The following SLC36A3 variants were observed in gnomAD, a reference collection of about 807,000 sequenced individuals.
The protein encoded by SLC36A3 is proton-coupled amino acid transporter 3.
A neutral mutation model predicts 44.3 loss-of-function variants in SLC36A3; 35 were observed. The observed-to-expected ratio is 0.79, with a 90% CI of 0.60 to 1.05. SLC36A3 has a LOEUF of 1.05. SLC36A3 is among the 50% of genes least tolerant of loss of function. The probability of loss-of-function intolerance (pLI) is 0.00; values close to 1 mark genes in which losing one functional copy is unlikely to be tolerated. For missense variants in SLC36A3, 540 were observed against 578.7 expected, an observed-to-expected ratio of 0.93 and a Z score of 0.69; for synonymous variants, 211 against 227.6, an observed-to-expected ratio of 0.93 and a Z score of 0.66.
At chr5:151,279,391 A>G (rs1561626387) in intron 9 of SLC36A3, among the ~76,000 whole-genome samples, 1 of 152,224 alleles carries the variant, frequency 6.6e-6, no homozygotes, top group Admixed American at 6.5e-5. Flanking sequence ...TTCATTATTC[A>G]TCATTGTATC....
intron 4 of SLC36A3, among the ~76,000 whole-genome samples, chr5:151,289,226 A>G (rs1012593877): frequency 1.3e-4 from 20 of 152,116 alleles, no homozygotes; most frequent in African/African-American, 4.8e-4. Flanking sequence ...ACACTCATTC[A>G]TTGGTATCCA....
intron 4 of SLC36A3, among the ~76,000 whole-genome samples, chr5:151,290,906 G>A (rs951675583): frequency 1.6e-4 from 24 of 151,514 alleles, no homozygotes; most frequent in Admixed American, 3.9e-4. Flanking sequence ...TAATAATTCA[G>A]TATGTAGCTG....
chr5:151,278,941 G>T (rs1355788217), intron 9 of SLC36A3, among the ~76,000 whole-genome samples: 1 of 152,256 alleles, frequency 6.6e-6, no homozygotes. Context: ...GGTCATGCCA[G>T]TCCTCTGCTC....
At chr5:151,285,533 A>G (rs1754505176) in intron 6 of SLC36A3, among the ~76,000 whole-genome samples, 2 of 152,132 alleles carry the variant, frequency 1.3e-5, no homozygotes, top group Admixed American at 1.3e-4. Flanking sequence ...ATCTAGGGGG[A>G]ATGATTATGT....
intron 6 of SLC36A3, among the ~76,000 whole-genome samples, chr5:151,287,009 T>C (rs1019530269): frequency 2.6e-5 from 4 of 151,676 alleles, no homozygotes; most frequent in Non-Finnish European, 5.9e-5. Flanking sequence ...GAATGACCCA[T>C]TATTATCCAA....
Position 151,280,155 on chromosome 5 carries a change from CAGCCAAAAA to C in SLC36A3, c.1144+850_1144+858del, listed in dbSNP as rs569544014. 3.3e-5 allele frequency among the ~76,000 whole-genome samples: 5 copies of C among 152,196 alleles called. No individual in the cohort carries two copies. The East Asian group carries it at 9.6e-4, about 29-fold the overall frequency. Reference sequence around the variant, plus strand: ...GGAAGGGAGGGAAGAGAGAAGAGTACAGCCAAAAAATGATCTCTGGCTGGGTGCATGGTT... The same window carrying C: ...GGAAGGGAGGGAAGAGAGAAGAGTACATGATCTCTGGCTGGGTGCATGGTT... On this transcript the variant is annotated intron_variant, in intron 9 of 9. Transcript: ENST00000335230.
intron 8 of SLC36A3, among the ~76,000 whole-genome samples, chr5:151,281,589 G>C (rs1253385242): frequency 1.3e-5 from 2 of 152,114 alleles, no homozygotes; most frequent in African/African-American, 2.4e-5. Flanking sequence ...AGGCCGAGGC[G>C]AGTGGATCAC....
Position 151,277,518 on chromosome 5 carries a change from C to T in SLC36A3, c.1288G>A (p.Ala430Thr). The T allele has an allele frequency of 6.2e-7, 1 of 1,614,142 alleles. No homozygotes were observed. The highest frequency in any genetic ancestry group is 8.5e-7 in the Non-Finnish European group (1 of 1,180,028). ...YSEDMSCVTIAKDIMISIVGL... is the reference protein window; with the variant it reads ...YSEDMSCVTITKDIMISIVGL... ...ACGATGCTAATCATGATGTCCTTGG[C>T]AATGGTGACACAGCTCATGTCCTCA... Residue 430 changes from alanine (A) to threonine (T), a missense_variant, in exon 10 of 10, where the codon GCC becomes ACC. Ala to Thr is a moderately conservative substitution (Grantham distance 58, BLOSUM62 0). Coordinates refer to ENST00000335230, the MANE Select transcript of SLC36A3 (RefSeq NM_181774.4).
intron 5 of SLC36A3, 106 bp from the exon 6 acceptor site, chr5:151,287,570 C>T: frequency 1.9e-6 from 2 of 1,038,626 alleles, no homozygotes; most frequent in Non-Finnish European, 2.8e-6. Context: ...TATAAATATG[C>T]CCCAAATATT....
In SLC36A3 at chr5:151,295,320, G is replaced by C. The variant is rs563838774; in HGVS notation, c.308+860C>G. Among the ~76,000 whole-genome samples the C allele has an allele frequency of 6.6e-5, 10 of 152,336 alleles. No individual in the cohort carries two copies. In the South Asian group the frequency reaches 1.9e-3, roughly 28 times the overall value. On this transcript the variant is annotated intron_variant, in intron 3 of 9. Coordinates refer to ENST00000335230, the MANE Select transcript of SLC36A3 (RefSeq NM_181774.4). ...GCCTATCATAGACTTACTGTGAGGAGTAAACAAGGCTTGCAAGGCTCTTGG... is the reference window on the plus strand; with the variant it reads ...GCCTATCATAGACTTACTGTGAGGACTAAACAAGGCTTGCAAGGCTCTTGG...
At chr5:151,290,743 A>G (rs1439477908) in intron 4 of SLC36A3, among the ~76,000 whole-genome samples, 3 of 152,150 alleles carry the variant, frequency 2.0e-5, no homozygotes, top group Non-Finnish European at 4.4e-5. Flanking sequence ...AAAATACAAA[A>G]AATTAGCCGG....
chr5:151,277,618 G>A lies in SLC36A3; in HGVS notation c.1188C>T (p.Ser396=), dbSNP rs774914721. 9.9e-6 allele frequency: 16 copies of A among 1,614,040 alleles called. No homozygotes were observed. Among genetic ancestry groups the A allele is most frequent in the Middle Eastern group, 3.3e-4 (2 of 6,084 alleles). ...ILIPRLDLVI[S]LVGSVSSSAL... ...CGCTGCTGCTCACGGAGCCTACCAG[G>A]GAGATGACCAAGTCCAGGCGGGGGA... is the stretch of plus-strand genomic sequence containing the variant. Residue 396 remains serine, a synonymous_variant, in exon 10 of 10, where the codon TCC becomes TCT. Coordinates refer to ENST00000335230, the MANE Select transcript of SLC36A3 (RefSeq NM_181774.4).
Position 151,277,415 on chromosome 5 carries a change from T to C in SLC36A3, c.1391A>G (p.Asn464Ser), listed in dbSNP as rs763639916. The C allele has an allele frequency of 1.2e-6, 2 of 1,614,106 alleles. No homozygotes were observed. The highest frequency in any genetic ancestry group is 1.1e-5 in the South Asian group (1 of 91,082). Residue 464 changes from asparagine (N) to serine (S), a missense_variant, in exon 10 of 10, where the codon AAC becomes AGC. Asn to Ser is a conservative substitution (Grantham distance 46, BLOSUM62 1). Coordinates refer to ENST00000335230, the MANE Select transcript of SLC36A3 (RefSeq NM_181774.4). ...TAATTATGCATGGACACCTGTGGAG[T>C]TGGCCATGGAATGGCTGATGGGTTG... ...LPQPISHSMA[N>S]STGVHA
At chr5:151,303,189 C>T (rs770270989) in intron 1 of SLC36A3, 38 bp downstream of exon 1, 32 of 1,591,580 alleles carry the variant, frequency 2.0e-5, no homozygotes, top group Non-Finnish European at 2.7e-5. Context: ...AACAGCAGTG[C>T]TTGACCTCAG....
chr5:151,279,147 A>G (rs750820594), intron 9 of SLC36A3, among the ~76,000 whole-genome samples: 1 of 151,380 alleles, frequency 6.6e-6, no homozygotes, highest in Non-Finnish European at 1.5e-5. Context: ...TCTATTTGCT[A>G]CTTATTTAGG....
chr5:151,296,363 A>G, intron 2 of SLC36A3, 95 bp from the exon 3 acceptor site: 1 of 1,041,962 alleles, frequency 9.6e-7, no homozygotes, highest in Non-Finnish European at 1.5e-6. Context: ...CTGTTGCATA[A>G]TAAAACTGTC....
At chr5:151,299,125 G>A (rs1289535498) in intron 1 of SLC36A3, among the ~76,000 whole-genome samples, 1 of 151,372 alleles carries the variant, frequency 6.6e-6, no homozygotes, top group Non-Finnish European at 1.5e-5. Flanking sequence ...TCACTCACTA[G>A]AAACAAAAAT....
intron 5 of SLC36A3, 78 bp downstream of exon 5, chr5:151,288,306 AAC>A (rs1754622010): frequency 8.7e-7 from 1 of 1,147,516 alleles, no homozygotes; most frequent in Non-Finnish European, 1.2e-6. Context: ...CCATGAGCCT[AAC>A]ACAATACTTT....
In SLC36A3 at chr5:151,277,676, G is replaced by T. The variant is rs1353646100; in HGVS notation, c.1145-15C>A. ...GGCTGAGACACCTGCAATGAAAGGA[G>T]ATATTTAGAATCACTGAATGTGCTC... is the stretch of plus-strand genomic sequence containing the variant. On this transcript the variant is annotated splice_polypyrimidine_tract_variant and intron_variant, in intron 9 of 9. Transcript: ENST00000335230. 2 of 1,611,380 alleles carry T rather than the reference G, an allele frequency of 1.2e-6. No homozygotes were observed. The highest frequency in any genetic ancestry group is 1.7e-6 in the Non-Finnish European group (2 of 1,178,834).
Sources: allele counts gnomAD v4.1 joint callset (sites outside exome capture counted in the v4.1 genomes callset), GRCh38; gene constraint gnomAD v4.1.1; transcripts MANE v1.5; gene names NCBI Gene and HGNC (gene_info 2026-07-23, HGNC 2026-07-21).